The following MAD2L2 variants were observed in gnomAD, a reference collection of about 807,000 sequenced individuals.
The protein encoded by MAD2L2 is mitotic arrest deficient 2 like 2, also known as mitotic spindle assembly checkpoint protein MAD2B.
In MAD2L2, 17 loss-of-function variants were observed where a neutral mutation model predicts 30.5. The observed-to-expected ratio is 0.56, with a 90% confidence interval of 0.38 to 0.84. The LOEUF is 0.84. Among genes scored for constraint, MAD2L2 ranks in the 40% least tolerant of loss-of-function variants. The pLI is 0.00. For synonymous variants in MAD2L2, 101 were observed against 113.9 expected, an observed-to-expected ratio of 0.89 and a Z score of 0.72; for missense variants, 213 against 277.4, an observed-to-expected ratio of 0.77 and a Z score of 1.65.
At position 11,674,758 on chromosome 1, in the gene MAD2L2, G is replaced by A. The variant is rs1640727255; in HGVS notation, c.*17C>T. Reference sequence around the variant, plus strand: ...AAGTCTGACAGTTTGGGCATCAGTGGGGTGGCAGGTGCCCCCTCAGCTGCC... The same window carrying A: ...AAGTCTGACAGTTTGGGCATCAGTGAGGTGGCAGGTGCCCCCTCAGCTGCC... On this transcript the variant is annotated 3_prime_UTR_variant, in exon 9 of 9. Transcript: ENST00000376692. The surrounding 1 kb of genome is among the most constrained non-coding windows in gnomAD (Gnocchi z 6.1). 2 of 1,613,028 alleles carry A rather than the reference G, an allele frequency of 1.2e-6. No individual in the cohort carries two copies. The highest frequency in any genetic ancestry group is 1.7e-6 in the Non-Finnish European group (2 of 1,179,506).
At position 11,676,103 on chromosome 1, in the gene MAD2L2, G is replaced by A. The variant is rs1557678126; in HGVS notation, c.370C>T (p.Arg124Trp). ...ACGCTGATCTTCAGGATGAAGGCCC[G>A]GAGCAGCTGCTCCACATGAGACAAC... ...SLLSHVEQLL[R>W]AFILKISVCD... Residue 124 changes from arginine (R) to tryptophan (W), a missense_variant, in exon 6 of 9, where the codon CGG becomes TGG. Coordinates refer to ENST00000376692, the MANE Select transcript of MAD2L2 (RefSeq NM_006341.4). 9 of 1,610,998 alleles carry A rather than the reference G, an allele frequency of 5.6e-6. No homozygotes were observed. Among genetic ancestry groups the A allele is most frequent in the South Asian group, 1.1e-5 (1 of 90,956 alleles).
At chr1:11,681,252 G>T (rs541935646), upstream of MAD2L2, 3 of 152,338 alleles carry the variant, frequency 2.0e-5, no homozygotes, top group African/African-American at 7.2e-5. Context: ...TCCGCATGCG[G>T]GGGCGGGTCT....
chr1:11,680,581 T>G lies in MAD2L2; in HGVS notation c.21A>C (p.Gln7His). ...CCCTACCTTGGCCAAAGTTGAGGTC[T>G]TGTCGTGTGAGCGTGGTCATCCTTC... MTTLTR[Q>H]DLNFGQVVAD... is the part of the protein sequence containing the mutation. The change falls in exon 2 of 9, where the codon CAA (glutamine) becomes CAC (histidine). Residue 7 changes from glutamine (Q) to histidine (H), a missense_variant. Transcript: ENST00000376692. 6.3e-7 allele frequency: 1 copy of G among 1,587,334 alleles called. No individual in the cohort carries two copies. Among genetic ancestry groups the G allele is most frequent in the Non-Finnish European group, 8.6e-7 (1 of 1,164,160 alleles).
chr1:11,675,240 C>T, intron 7 of MAD2L2, 66 bp from the exon 8 acceptor site: 1 of 1,109,982 alleles, frequency 9.0e-7, no homozygotes, highest in East Asian at 2.4e-5. Context: ...ACTTTGCTGT[C>T]CCTCCCACTC....
In MAD2L2 at chr1:11,677,505, A is replaced by G. The variant is rs756004052; in HGVS notation, c.231+38T>C. Reference sequence around the variant, plus strand: ...TGAGCACACAGGGACGGGGGTGAGCATGGGGTGAGATGGCTGGGGAGCCCA... The same window carrying G: ...TGAGCACACAGGGACGGGGGTGAGCGTGGGGTGAGATGGCTGGGGAGCCCA... On this transcript the variant is annotated intron_variant, in intron 4 of 8. Transcript: ENST00000376692. 1.3e-4 allele frequency: 213 copies of G among 1,593,630 alleles called. 1 individual carries two copies. Among genetic ancestry groups the G allele is most frequent in the Non-Finnish European group, 1.7e-4 (199 of 1,161,762 alleles).
intron 3 of MAD2L2, 101 bp downstream of exon 3, chr1:11,680,252 T>A: frequency 2.0e-6 from 2 of 982,200 alleles, no homozygotes; most frequent in Non-Finnish European, 3.1e-6. Context: ...CGCCTCGGCC[T>A]CCCAAAGTGC....
chr1:11,676,603 G>A (rs1291160208), intron 5 of MAD2L2, among the ~76,000 whole-genome samples: 2 of 152,310 alleles, frequency 1.3e-5, no homozygotes, highest in South Asian at 2.1e-4. Flanking sequence ...CACTTGCCTG[G>A]GGAGTCAGAA....
At chr1:11,680,000 T>G (rs1279618706) in intron 3 of MAD2L2, among the ~76,000 whole-genome samples, 72 of 110,952 alleles carry the variant, frequency 6.5e-4, no homozygotes, top group African/African-American at 2.0e-3. Context: ...TTTTTTTTTT[T>G]TTTTTTTTTT....
chr1:11,676,483 A>G (rs1640771701), intron 5 of MAD2L2, among the ~76,000 whole-genome samples: 1 of 152,170 alleles, frequency 6.6e-6, no homozygotes, highest in Non-Finnish European at 1.5e-5. Flanking sequence ...AAGGCCACAC[A>G]GGCCGTGGGG....
intron 3 of MAD2L2, among the ~76,000 whole-genome samples, chr1:11,678,659 T>A (rs1488647755): frequency 6.6e-6 from 1 of 152,212 alleles, no homozygotes; most frequent in Non-Finnish European, 1.5e-5. Context: ...CACTTCATCA[T>A]AAAGAAGAAG....
In MAD2L2 at chr1:11,690,367, C is replaced by T. The variant is rs1195806399; in HGVS notation, c.-692+1046G>A. On this transcript the variant is annotated intron_variant, in intron 1 of 10. Transcript: ENST00000235310. This position sits in a 1 kb window ranked among gnomAD's most constrained non-coding sequence, Gnocchi z 4.2. ...GGTGCCCACCAAGCTAATAATATCA[C>T]GGTAACAATGGCAGCTAATTTTACA... Among the ~76,000 whole-genome samples, 1 of 152,150 alleles carries T rather than the reference C, an allele frequency of 6.6e-6. No homozygotes were observed. The highest frequency in any genetic ancestry group is 1.9e-4 in the East Asian group (1 of 5,180).
rs1380062220 is a variant in MAD2L2 at position 11,675,709 on chromosome 1, C to A, written c.450G>T (p.Val150=). 12 of 1,613,972 alleles carry A rather than the reference C, an allele frequency of 7.4e-6. No homozygotes were observed. Among genetic ancestry groups the A allele is most frequent in the Non-Finnish European group, 1.0e-5 (12 of 1,180,002 alleles). The stretch of plus-strand genomic sequence containing the variant: ...TGCGAGTGGCGGCTTCTCTCGTGTG[C>A]ACCAGGACTGTGAAGGTACAGCCTG... ...NPPGCTFTVL[V]HTREAATRNM... Residue 150 remains valine, a synonymous_variant, in exon 7 of 9, where the codon GTG becomes GTT. Coordinates refer to ENST00000376692, the MANE Select transcript of MAD2L2 (RefSeq NM_006341.4).
At chr1:11,686,351 G>A (rs1474016573) in intron 1 of MAD2L2, among the ~76,000 whole-genome samples, 1 of 152,212 alleles carries the variant, frequency 6.6e-6, no homozygotes, top group Admixed American at 6.5e-5. Flanking sequence ...CCAGAGCAAA[G>A]CCCTCACCTG....
At chr1:11,678,472 C>T (rs1248831941) in intron 3 of MAD2L2, among the ~76,000 whole-genome samples, 1 of 152,176 alleles carries the variant, frequency 6.6e-6, no homozygotes. Context: ...ATTAGGGGTT[C>T]TTAATGTGGG....
At chr1:11,685,468 C>T (rs924887946), upstream of MAD2L2, among the ~76,000 whole-genome samples, 1 of 152,166 alleles carries the variant, frequency 6.6e-6, no homozygotes, top group South Asian at 2.1e-4. Context: ...TATGGTGTCC[C>T]CAGCACCCAC....
intron 3 of MAD2L2, among the ~76,000 whole-genome samples, chr1:11,678,056 CA>C (rs34436574): frequency 5.1e-4 from 54 of 104,886 alleles, no homozygotes; most frequent in South Asian, 9.8e-4. Flanking sequence ...GACTCCATCT[CA>C]AAAAAAAAAA....
At chr1:11,676,777 T>G (rs753811789) in intron 5 of MAD2L2, 71 bp downstream of exon 5, 1 of 1,260,072 alleles carries the variant, frequency 7.9e-7, no homozygotes, top group Admixed American at 1.7e-5. Flanking sequence ...AAGGGCCGCC[T>G]TAAAGGGGTG....
At chr1:11,689,780 T>C (rs992721138) in intron 1 of MAD2L2, among the ~76,000 whole-genome samples, 1 of 152,160 alleles carries the variant, frequency 6.6e-6, no homozygotes, top group Non-Finnish European at 1.5e-5. Context: ...GGACTCGCCC[T>C]GAATTATTTC....
rs1640794349 is a variant in MAD2L2, at chr1:11,677,650, G to C, written c.160-36C>G. The C allele has an allele frequency of 3.2e-6, 5 of 1,575,774 alleles. No homozygotes were observed. In the East Asian group the frequency reaches 1.1e-4, roughly 35 times the overall value. On this transcript the variant is annotated intron_variant, in intron 3 of 8. Transcript: ENST00000376692. ...TACCATGCGGCTCGTGAGGCCCAAA[G>C]CACAGATGGGGAAACCACCCAACAC... is the stretch of plus-strand genomic sequence containing the variant.
Sources: gnomAD v4.1 joint callset for allele counts (sites outside exome capture counted in the v4.1 genomes callset) on GRCh38, gnomAD v4.1.1 for gene constraint, Gnocchi (gnomAD v3.1) non-coding constraint, MANE v1.5 for transcripts, NCBI Gene and HGNC (gene_info 2026-07-23, HGNC 2026-07-21) for gene names.